TNFSF4: variants seen among roughly 807,000 people sequenced by gnomAD.
TNFSF4 encodes the protein TNF superfamily member 4, also known as tumor necrosis factor ligand superfamily member 4.
In TNFSF4, 4 loss-of-function variants were observed where a neutral mutation model predicts 7.3. That is an observed-to-expected ratio of 0.55 (90% CI 0.27 to 1.25). The LOEUF is 1.25. Ranked by LOEUF, TNFSF4 falls within the 50% of genes most tolerant of loss-of-function variation. The probability of loss-of-function intolerance (pLI) is 0.12; values close to 1 mark genes in which losing one functional copy is unlikely to be tolerated. For missense variants in TNFSF4, 181 were observed against 208.8 expected (o/e 0.87, Z 0.82); for synonymous variants, 76 against 83.7 (o/e 0.91, Z 0.50).
the TNFSF4 span, among the ~76,000 whole-genome samples, chr1:173,301,270 T>C: frequency 1.3e-5 from 2 of 152,056 alleles, no homozygotes; most frequent in Middle Eastern, 6.8e-3. Context: ...CTTTGATTAA[T>C]TTATAACCAA....
At chr1:173,400,435 A>G in the TNFSF4 span, among the ~76,000 whole-genome samples, 3 of 152,226 alleles carry the variant, frequency 2.0e-5, no homozygotes, top group African/African-American at 7.2e-5. Flanking sequence ...CAGTTACACC[A>G]GTAAAATGTT....
In TNFSF4 at chr1:173,199,783, T is replaced by C. The variant is rs561801721; in HGVS notation, c.153+7241A>G. Among the ~76,000 whole-genome samples the C allele has an allele frequency of 5.9e-4, 90 of 152,316 alleles. 1 individual carries two copies. The South Asian group carries it at 0.012, about 20-fold the overall frequency. Reference sequence around the variant, plus strand: ...ATTACACTATCACTTAAGTAATTCTTTGAATCAGTCTGATGGAACTAGAAA... The same window carrying C: ...ATTACACTATCACTTAAGTAATTCTCTGAATCAGTCTGATGGAACTAGAAA... On this transcript the variant is annotated intron_variant, in intron 1 of 2. Coordinates refer to ENST00000281834, the MANE Select transcript of TNFSF4 (RefSeq NM_003326.5).
chr1:173,201,760 G>T (rs1026636639), intron 1 of TNFSF4, among the ~76,000 whole-genome samples: 7 of 152,070 alleles, frequency 4.6e-5, no homozygotes, highest in African/African-American at 1.7e-4. Context: ...TGTTTGAAAA[G>T]ATTGGTTATC....
At chr1:173,337,109 G>A in the TNFSF4 span, among the ~76,000 whole-genome samples, 4 of 152,280 alleles carry the variant, frequency 2.6e-5, no homozygotes, top group South Asian at 8.3e-4. Flanking sequence ...TAAAATGACA[G>A]TGACAGATAG....
intron 1 of TNFSF4, among the ~76,000 whole-genome samples, chr1:173,202,354 C>T (rs1649983002): frequency 6.6e-6 from 1 of 152,160 alleles, no homozygotes; most frequent in African/African-American, 2.4e-5. Context: ...ATACCCAGAT[C>T]AAAACATATA....
At chr1:173,179,705 T>C (rs189199185), downstream of TNFSF4, among the ~76,000 whole-genome samples, 1 of 152,356 alleles carries the variant, frequency 6.6e-6, no homozygotes, top group East Asian at 1.9e-4. Flanking sequence ...TGATATTCTC[T>C]AACTTAAGTG....
the TNFSF4 span, among the ~76,000 whole-genome samples, chr1:173,241,022 T>C: frequency 2.0e-5 from 3 of 152,338 alleles, no homozygotes; most frequent in East Asian, 1.9e-4. Flanking sequence ...GAATTTACTA[T>C]GTTTTCTTGA....
the TNFSF4 span, among the ~76,000 whole-genome samples, chr1:173,327,245 T>C: frequency 2.0e-5 from 3 of 152,136 alleles, no homozygotes; most frequent in Non-Finnish European, 4.4e-5. Flanking sequence ...TTGACAAACC[T>C]GACAAAAACA....
At chr1:173,367,425 C>T in the TNFSF4 span, among the ~76,000 whole-genome samples, 11 of 152,120 alleles carry the variant, frequency 7.2e-5, no homozygotes, top group Non-Finnish European at 1.5e-5. Flanking sequence ...ATTCACTACA[C>T]GTGGAAATGA....
At chr1:173,281,577 T>C in the TNFSF4 span, among the ~76,000 whole-genome samples, 1 of 152,174 alleles carries the variant, frequency 6.6e-6, no homozygotes, top group Non-Finnish European at 1.5e-5. Context: ...ATATATATTA[T>C]GACTGAAATA....
chr1:173,318,688 G>C, the TNFSF4 span, among the ~76,000 whole-genome samples: 10 of 152,298 alleles, frequency 6.6e-5, no homozygotes, highest in East Asian at 1.7e-3. Flanking sequence ...TATATGAAGA[G>C]CTGTAAAAAC....
chr1:173,187,885 G>A (rs974014956), intron 2 of TNFSF4, among the ~76,000 whole-genome samples: 3 of 152,136 alleles, frequency 2.0e-5, no homozygotes, highest in African/African-American at 7.2e-5. Flanking sequence ...GGTCCCCACC[G>A]CTAGCCACAA....
upstream of TNFSF4, among the ~76,000 whole-genome samples, chr1:173,211,963 GT>G (rs1460943151): frequency 6.6e-6 from 1 of 152,184 alleles, no homozygotes; most frequent in Non-Finnish European, 1.5e-5. Flanking sequence ...GGAAAAAAAG[GT>G]TTATTTGGCT....
chr1:173,225,527 A>G, the TNFSF4 span, among the ~76,000 whole-genome samples: 104 of 152,330 alleles, frequency 6.8e-4, 1 homozygote, highest in Middle Eastern at 6.8e-3. Context: ...ACTATCTTTC[A>G]TAAGAAAAGG....
At chr1:173,182,973 T>C (rs114639519), downstream of TNFSF4, among the ~76,000 whole-genome samples, 768 of 152,322 alleles carry the variant, frequency 5.0e-3, 6 homozygotes, top group African/African-American at 0.017. Flanking sequence ...GGGCCCAGCA[T>C]CACCAGATCT....
chr1:173,331,179 C>T, the TNFSF4 span, among the ~76,000 whole-genome samples: 3 of 152,152 alleles, frequency 2.0e-5, no homozygotes, highest in Non-Finnish European at 4.4e-5. Flanking sequence ...GCCACTGCAC[C>T]CAGCCTTCTT....
At chr1:173,250,469 T>C in the TNFSF4 span, among the ~76,000 whole-genome samples, 13 of 150,760 alleles carry the variant, frequency 8.6e-5, no homozygotes, top group Non-Finnish European at 1.9e-4. Flanking sequence ...TTTTGTTTTT[T>C]TTTTTTTTGA....
chr1:173,404,619 C>T, the TNFSF4 span, among the ~76,000 whole-genome samples: 2 of 146,058 alleles, frequency 1.4e-5, no homozygotes, highest in Admixed American at 7.1e-5. Flanking sequence ...TACAATAAGG[C>T]CATCCCTGAC....
At chr1:173,227,576 CA>C in the TNFSF4 span, among the ~76,000 whole-genome samples, 4 of 152,146 alleles carry the variant, frequency 2.6e-5, no homozygotes, top group African/African-American at 9.7e-5. Flanking sequence ...ACAGTGGGTG[CA>C]GCACAGTGGG....
Sources: gnomAD v4.1 joint callset for allele counts (sites outside exome capture counted in the v4.1 genomes callset) on GRCh38, gnomAD v4.1.1 for gene constraint, MANE v1.5 for transcripts, NCBI Gene and HGNC (gene_info 2026-07-23, HGNC 2026-07-21) for gene names.